Variants in CADM2 observed in about 807,000 individuals in gnomAD.
CADM2 encodes the protein immunoglobulin superfamily member 4D.
Under a neutral mutation model 49.8 loss-of-function variants are expected in CADM2, and 12 were observed. The observed-to-expected ratio is 0.24, with a 90% confidence interval of 0.15 to 0.39. The LOEUF (loss-of-function observed/expected upper bound fraction) is 0.39, where lower values mean the gene tolerates loss of function less well. CADM2 is among the 10% of genes least tolerant of loss of function. The pLI is 1.00. For synonymous variants in CADM2, 214 were observed against 175.4 expected (o/e 1.22, Z -1.74); for missense variants, 378 against 492.3 (o/e 0.77, Z 2.20).
At chr3:85,625,953 A>G (rs952661193) in intron 1 of CADM2, among the ~76,000 whole-genome samples, 2 of 152,032 alleles carry the variant, frequency 1.3e-5, no homozygotes, top group Non-Finnish European at 2.9e-5. Flanking sequence ...ATTTTGGAAA[A>G]TCATGTATAA....
intron 1 of CADM2, among the ~76,000 whole-genome samples, chr3:85,667,955 C>A (rs1394125148): frequency 6.6e-6 from 1 of 151,992 alleles, no homozygotes; most frequent in African/African-American, 2.4e-5. Flanking sequence ...CCAGCTCTTA[C>A]TATCTATTTC....
At chr3:85,575,643 A>G (rs2062611056) in intron 1 of CADM2, among the ~76,000 whole-genome samples, 1 of 152,226 alleles carries the variant, frequency 6.6e-6, no homozygotes, top group Non-Finnish European at 1.5e-5. Flanking sequence ...ATGTAAAATA[A>G]AGAAGATAGG....
chr3:85,115,686 G>C (rs1476944380), intron 1 of CADM2, among the ~76,000 whole-genome samples: 1 of 152,280 alleles, frequency 6.6e-6, no homozygotes, highest in African/African-American at 2.4e-5. Flanking sequence ...CAAGGTAAAA[G>C]GTTATTAATA....
chr3:85,895,136 C>T (rs529305654), intron 5 of CADM2, among the ~76,000 whole-genome samples: 2 of 152,204 alleles, frequency 1.3e-5, no homozygotes, highest in African/African-American at 4.8e-5. Context: ...GACACTCACG[C>T]CTGCTATGAA....
intron 7 of CADM2, among the ~76,000 whole-genome samples, chr3:85,955,492 G>C (rs1355687454): frequency 6.6e-6 from 1 of 151,390 alleles, no homozygotes; most frequent in Non-Finnish European, 1.5e-5. Context: ...CCTAAAAGAG[G>C]GGATGTGAAC....
At position 85,413,863 on chromosome 3, in the gene CADM2, C is replaced by G. The variant is rs576826637; in HGVS notation, c.62-312659C>G. Among the ~76,000 whole-genome samples the G allele has an allele frequency of 2.0e-5, 3 of 151,168 alleles. No individual in the cohort carries two copies. The South Asian group carries it at 6.2e-4, about 31-fold the overall frequency. ...AAGTGCTAGCTAGAAAACTGGCTAGCTATTTTAATTTTTTTTTTTGAGACA... is the reference window on the plus strand; with the variant it reads ...AAGTGCTAGCTAGAAAACTGGCTAGGTATTTTAATTTTTTTTTTTGAGACA... On this transcript the variant is annotated intron_variant, in intron 1 of 9. Coordinates refer to ENST00000383699, the MANE Select transcript of CADM2 (RefSeq NM_001167675.2).
At chr3:85,173,550 G>C (rs2040693141) in intron 1 of CADM2, among the ~76,000 whole-genome samples, 1 of 152,062 alleles carries the variant, frequency 6.6e-6, no homozygotes, top group Non-Finnish European at 1.5e-5. Context: ...ATGAGTGAGT[G>C]ACAATTTGAT....
intron 2 of CADM2, among the ~76,000 whole-genome samples, chr3:85,746,649 C>T (rs1488392927): frequency 6.6e-6 from 1 of 152,042 alleles, no homozygotes; most frequent in Non-Finnish European, 1.5e-5. Flanking sequence ...CACTTAATGT[C>T]TCATGTCTGC....
intron 3 of CADM2, among the ~76,000 whole-genome samples, chr3:85,844,307 A>T (rs566520406): frequency 6.4e-4 from 97 of 152,202 alleles, no homozygotes; most frequent in African/African-American, 2.3e-3. Context: ...ATTTTACCAT[A>T]CTTTGAATTT....
intron 1 of CADM2, among the ~76,000 whole-genome samples, chr3:85,389,628 G>A (rs528407230): frequency 1.2e-4 from 18 of 152,060 alleles, no homozygotes; most frequent in African/African-American, 4.1e-4. Flanking sequence ...TTCTTTTGCC[G>A]AGTTCTTTAT....
intron 1 of CADM2, among the ~76,000 whole-genome samples, chr3:85,051,422 T>C (rs1417056737): frequency 6.6e-6 from 1 of 152,196 alleles, no homozygotes. Context: ...ATAGGTACTT[T>C]AGGTTGAAAC....
At chr3:85,843,230 A>T (rs1426130581) in intron 3 of CADM2, among the ~76,000 whole-genome samples, 1 of 152,128 alleles carries the variant, frequency 6.6e-6, no homozygotes, top group Non-Finnish European at 1.5e-5. Context: ...GAAATTGAAA[A>T]ATCTTATTTC....
intron 1 of CADM2, among the ~76,000 whole-genome samples, chr3:85,460,024 G>A (rs2038168591): frequency 6.6e-6 from 1 of 152,132 alleles, no homozygotes; most frequent in Non-Finnish European, 1.5e-5. Context: ...TTTACGTGAA[G>A]AAACCTTAGA....
intron 1 of CADM2, among the ~76,000 whole-genome samples, chr3:85,264,289 C>T (rs547122943): frequency 6.6e-6 from 1 of 152,124 alleles, no homozygotes; most frequent in African/African-American, 2.4e-5. Flanking sequence ...TGTTCCTTGT[C>T]GAAACATGCT....
intron 1 of CADM2, among the ~76,000 whole-genome samples, chr3:85,108,864 A>G (rs1575885453): frequency 1.3e-5 from 2 of 152,068 alleles, no homozygotes; most frequent in Admixed American, 1.3e-4. Flanking sequence ...TTCAGAAAAA[A>G]TCAAGTCGGG....
chr3:85,148,372 A>G (rs573634359), intron 1 of CADM2, among the ~76,000 whole-genome samples: 1 of 152,344 alleles, frequency 6.6e-6, no homozygotes, highest in Non-Finnish European at 1.5e-5. Context: ...AAAATTACAG[A>G]TAAACAAATT....
chr3:85,214,998 C>A (rs538468726), intron 1 of CADM2, among the ~76,000 whole-genome samples: 10 of 152,054 alleles, frequency 6.6e-5, no homozygotes, highest in Non-Finnish European at 1.3e-4. Context: ...CTCCTTTAAT[C>A]TTCCTTCTCC....
chr3:85,503,002 T>G lies in CADM2; in HGVS notation c.62-223520T>G, dbSNP rs539652787. Among the ~76,000 whole-genome samples the G allele has an allele frequency of 5.9e-5, 9 of 152,278 alleles. No homozygotes were observed. In the South Asian group the frequency reaches 1.9e-3, roughly 32 times the overall value. ...AAAAAGATTTTTATTTTACAAGTTC[T>G]ATAAGGTATCCAGCTTTAAAAAAGA... On this transcript the variant is annotated intron_variant, in intron 1 of 9. Transcript: ENST00000383699.
At chr3:85,369,740 T>C (rs1358490838) in intron 1 of CADM2, among the ~76,000 whole-genome samples, 1 of 152,152 alleles carries the variant, frequency 6.6e-6, no homozygotes, top group Non-Finnish European at 1.5e-5. Flanking sequence ...TAAATAGTAT[T>C]ATTTTAAAGA....
Sources: gnomAD v4.1 joint callset for allele counts (sites outside exome capture counted in the v4.1 genomes callset) on GRCh38, gnomAD v4.1.1 for gene constraint, MANE v1.5 for transcripts, NCBI Gene and HGNC (gene_info 2026-07-23, HGNC 2026-07-21) for gene names.